The following DNAH5 variants were observed in gnomAD, a reference collection of about 807,000 sequenced individuals.
DNAH5 encodes the protein dynein axonemal heavy chain 5, also known as axonemal beta dynein heavy chain 5.
A neutral mutation model predicts 518.2 loss-of-function variants in DNAH5; 372 were observed. That is an observed-to-expected ratio of 0.72 (90% CI 0.66 to 0.78). The LOEUF is 0.78. Among genes scored for constraint, DNAH5 ranks in the 30% least tolerant of loss-of-function variants. The pLI, the probability that DNAH5 is intolerant of heterozygous loss-of-function variation, is 0.00. For synonymous variants in DNAH5, 2,039 were observed against 2,025.9 expected (o/e 1.01, Z -0.17); for missense variants, 5,523 against 5,687.0 (o/e 0.97, Z 0.93).
At chr5:13,767,794 A>G (rs1435649008) in intron 58 of DNAH5, among the ~76,000 whole-genome samples, 1 of 152,160 alleles carries the variant, frequency 6.6e-6, no homozygotes, top group Non-Finnish European at 1.5e-5. Context: ...CTGTTATATA[A>G]TCTCCTATAT....
intron 1 of DNAH5, among the ~76,000 whole-genome samples, chr5:13,935,064 G>C (rs1363239525): frequency 6.6e-6 from 1 of 152,116 alleles, no homozygotes; most frequent in East Asian, 1.9e-4. Context: ...AGGGAGCCAG[G>C]AATTCAGCAA....
chr5:13,881,081 A>G (rs1046179940), intron 21 of DNAH5, among the ~76,000 whole-genome samples: 1 of 152,036 alleles, frequency 6.6e-6, no homozygotes, highest in Non-Finnish European at 1.5e-5. Context: ...AAAAGGGAAT[A>G]AATTCTTCAA....
At chr5:13,750,907 G>A (rs1363266743) in intron 65 of DNAH5, among the ~76,000 whole-genome samples, 171 bp downstream of exon 65, 1 of 152,120 alleles carries the variant, frequency 6.6e-6, no homozygotes, top group Non-Finnish European at 1.5e-5. Flanking sequence ...TAGATGACTG[G>A]TTAATAATTT....
chr5:13,792,331 A>G (rs751300461), intron 49 of DNAH5, 114 bp from the exon 50 acceptor site: 38 of 807,614 alleles, frequency 4.7e-5, no homozygotes, highest in Non-Finnish European at 7.7e-5. Flanking sequence ...TTAATAGATA[A>G]TCACATATAA....
intron 30 of DNAH5, among the ~76,000 whole-genome samples, chr5:13,854,979 C>G (rs1405328876): frequency 6.6e-6 from 1 of 151,968 alleles, no homozygotes; most frequent in Non-Finnish European, 1.5e-5. Context: ...TTACACATAA[C>G]CTAAAAATTT....
At position 13,841,672 on chromosome 5, in the gene DNAH5, T is replaced by G. The variant is rs376520355; in HGVS notation, c.5484+20A>C. On this transcript the variant is annotated intron_variant, in intron 33 of 78. Transcript: ENST00000265104. The stretch of plus-strand genomic sequence containing the variant: ...AATGACTATTTTACAAAACATACTT[T>G]CAAATTTCAATACACTGACCTGAGC... 1.4e-4 allele frequency: 228 copies of G among 1,582,214 alleles called. 1 individual carries two copies. In the African/African-American group the frequency reaches 2.4e-3, roughly 17 times the overall value.
chr5:13,752,315 A>T, intron 63 of DNAH5, 26 bp from the exon 64 acceptor site: 1 of 1,613,450 alleles, frequency 6.2e-7, no homozygotes, highest in Non-Finnish European at 8.5e-7. Flanking sequence ...CAAGGTTGCT[A>T]TTGGCAGACA....
intron 9 of DNAH5, among the ~76,000 whole-genome samples, 172 bp downstream of exon 9, chr5:13,916,176 G>GA (rs1447400249): frequency 1.3e-5 from 2 of 151,740 alleles, no homozygotes; most frequent in Admixed American, 1.3e-4. Flanking sequence ...TGATTTGCTA[G>GA]AATCAGCCTC....
intron 18 of DNAH5, 142 bp downstream of exon 18, chr5:13,885,822 T>C: frequency 1.2e-6 from 1 of 826,952 alleles, no homozygotes; most frequent in Non-Finnish European, 1.9e-6. Flanking sequence ...CTCAGGGCCA[T>C]AATTTCAGAT....
rs1287910625 is a variant in DNAH5, at chr5:13,829,563, C to T, written c.6391G>A (p.Ala2131Thr). The change falls in exon 38 of 79, where the codon GCC becomes ACC. Residue 2131 changes from alanine to threonine, a missense_variant. Coordinates refer to ENST00000265104, the MANE Select transcript of DNAH5 (RefSeq NM_001369.3). ...SCGFIDNVVLARKFFTLYKLC... is the reference protein window; with the variant it reads ...SCGFIDNVVLTRKFFTLYKLC... Reference sequence around the variant, plus strand: ...TTGTAGAGCGTGAAAAACTTCCTGGCCAAAACAACGTTGTCAATGAAGCCA... The same window carrying T: ...TTGTAGAGCGTGAAAAACTTCCTGGTCAAAACAACGTTGTCAATGAAGCCA... 2 of 1,614,134 alleles carry T rather than the reference C, an allele frequency of 1.2e-6. No individual in the cohort carries two copies. Among genetic ancestry groups the T allele is most frequent in the East Asian group, 2.2e-5 (1 of 44,868 alleles).
At chr5:13,810,469 G>C (rs1009463035) in intron 44 of DNAH5, 6 of 611,612 alleles carry the variant, frequency 9.8e-6, no homozygotes, top group Non-Finnish European at 1.7e-5. Flanking sequence ...GGCCGGGCAC[G>C]GTGGCTCATG....
intron 70 of DNAH5, among the ~76,000 whole-genome samples, chr5:13,724,182 G>A (rs989919459): frequency 3.9e-5 from 6 of 152,044 alleles, no homozygotes; most frequent in Non-Finnish European, 7.4e-5. Context: ...GGCATTACTC[G>A]GTCTCCCCAT....
At chr5:13,789,151 T>C (rs571781037) in intron 50 of DNAH5, among the ~76,000 whole-genome samples, 1 of 152,200 alleles carries the variant, frequency 6.6e-6, no homozygotes, top group Non-Finnish European at 1.5e-5. Flanking sequence ...CCAACAATAA[T>C]ATTGAAAATT....
chr5:13,775,279 CTG>C (rs1451210231), intron 55 of DNAH5, among the ~76,000 whole-genome samples: 1 of 151,734 alleles, frequency 6.6e-6, no homozygotes, highest in South Asian at 2.1e-4. Flanking sequence ...TTAAAATATT[CTG>C]TGTTTAAAAG....
chr5:13,954,438 T>C (rs1197774568), intron 1 of DNAH5, among the ~76,000 whole-genome samples: 1 of 152,232 alleles, frequency 6.6e-6, no homozygotes, highest in Non-Finnish European at 1.5e-5. Flanking sequence ...AAAGAACTTT[T>C]CATAAAACTC....
intron 71 of DNAH5, 89 bp from the exon 72 acceptor site, chr5:13,719,190 A>G: frequency 9.4e-7 from 1 of 1,062,082 alleles, no homozygotes; most frequent in African/African-American, 1.6e-5. Context: ...AGTAATTAAA[A>G]TTTAATAGGA....
intron 35 of DNAH5, among the ~76,000 whole-genome samples, chr5:13,837,465 G>T (rs1764549475): frequency 6.6e-6 from 1 of 151,818 alleles, no homozygotes; most frequent in Non-Finnish European, 1.5e-5. Context: ...TGGGGGTGTT[G>T]GCTTTGGACA....
At chr5:13,826,217 T>C (rs1339438929) in intron 38 of DNAH5, among the ~76,000 whole-genome samples, 1 of 152,216 alleles carries the variant, frequency 6.6e-6, no homozygotes, top group East Asian at 1.9e-4. Flanking sequence ...ATTGATGTAT[T>C]ACATTTCACT....
At chr5:13,897,643 A>G (rs1443252757) in intron 15 of DNAH5, 1 of 152,226 alleles carries the variant, frequency 6.6e-6, no homozygotes, top group Non-Finnish European at 1.5e-5. Context: ...ATTCTGCAAC[A>G]CTTCAGATGG....
Sources: gnomAD v4.1 joint callset for allele counts (sites outside exome capture counted in the v4.1 genomes callset) on GRCh38, gnomAD v4.1.1 for gene constraint, MANE v1.5 for transcripts, NCBI Gene and HGNC (gene_info 2026-07-23, HGNC 2026-07-21) for gene names.